Variants in CACNA1E observed in about 807,000 individuals in gnomAD.
CACNA1E encodes the protein calcium voltage-gated channel subunit alpha1 E.
A neutral mutation model predicts 259.2 loss-of-function variants in CACNA1E; 40 were observed. The ratio of observed to expected loss-of-function variants is 0.15; its 90% confidence interval spans 0.12 to 0.20. CACNA1E has a LOEUF of 0.20. Ranked by LOEUF, CACNA1E falls within the 10% of genes least tolerant of loss-of-function variation. The pLI, the probability that CACNA1E is intolerant of heterozygous loss-of-function variation, is 1.00. For missense variants in CACNA1E, 1,874 were observed against 3,040.1 expected (o/e 0.62, Z 9.02); for synonymous variants, 1,104 against 1,138.5 (o/e 0.97, Z 0.61).
chr1:181,654,982 CAAAAAAA>C (rs1208750325), intron 7 of CACNA1E, among the ~76,000 whole-genome samples: 2 of 53,398 alleles, frequency 3.7e-5, no homozygotes, highest in African/African-American at 1.1e-4. Flanking sequence ...GACTCCATCT[CAAAAAAA>C]AAAAAAAAAA....
intron 21 of CACNA1E, 127 bp from the exon 22 acceptor site, chr1:181,736,148 G>A (rs2102574164): frequency 9.0e-7 from 1 of 1,106,968 alleles, no homozygotes; most frequent in African/African-American, 1.6e-5. Flanking sequence ...AGTGCCTGCA[G>A]GGCACCTTGT....
intron 3 of CACNA1E, among the ~76,000 whole-genome samples, chr1:181,532,055 C>CA (rs1197415360): frequency 1.3e-5 from 2 of 151,578 alleles, no homozygotes; most frequent in African/African-American, 2.4e-5. Context: ...AACTTCATCT[C>CA]AAAAAAAAGA....
Position 181,685,230 on chromosome 1 carries a change from G to GTTT in CACNA1E, c.1056-25707_1056-25705dup, listed in dbSNP as rs139598690. On this transcript the variant is annotated intron_variant, in intron 7 of 47. Coordinates refer to ENST00000367573, the MANE Select transcript of CACNA1E (RefSeq NM_001205293.3). ...TAGGTAGCACATAGCCCACCTTTAA[G>GTTT]TTTTTTTTTTTTTTTTTTTGAGACG... Among the ~76,000 whole-genome samples, 403 of 103,422 alleles carry GTTT rather than the reference G, an allele frequency of 3.9e-3. 9 individuals are homozygous for GTTT. Among genetic ancestry groups the GTTT allele is most frequent in the Non-Finnish European group, 4.3e-3 (238 of 55,028 alleles). The allele number at this position is 103,422 out of a possible 152,430, so 67.8% of individuals were successfully genotyped here. A position where few individuals can be genotyped will look rare whatever the true frequency, so the allele number is the denominator to read the frequency against.
chr1:181,723,429 C>T (rs1654592143), intron 16 of CACNA1E, among the ~76,000 whole-genome samples: 1 of 152,124 alleles, frequency 6.6e-6, no homozygotes. Flanking sequence ...TTTTCTGTTC[C>T]CTTACTCATC....
chr1:181,472,500 A>C (rs1385221385), intron 2 of CACNA1E, among the ~76,000 whole-genome samples: 1 of 152,224 alleles, frequency 6.6e-6, no homozygotes, highest in Non-Finnish European at 1.5e-5. Flanking sequence ...AAATGTACAC[A>C]ATAAAATTTA....
Position 181,428,915 on chromosome 1 carries a change from C to T in CACNA1E, c.434+15335C>T, listed in dbSNP as rs906335779. ...CTGTAAAGGAGGCCGGGTGCGGTGG[C>T]TCATGCCTGTAATCCCAGCACTTTG... On this transcript the variant is annotated intron_variant, in intron 2 of 11. Coordinates refer to the CACNA1E transcript ENST00000524607. Among the ~76,000 whole-genome samples, 5 of 152,250 alleles carry T rather than the reference C, an allele frequency of 3.3e-5. No homozygotes were observed. In the South Asian group the frequency reaches 8.3e-4, roughly 25 times the overall value.
chr1:181,678,827 A>T (rs1649636120), intron 7 of CACNA1E, among the ~76,000 whole-genome samples: 1 of 152,236 alleles, frequency 6.6e-6, no homozygotes, highest in African/African-American at 2.4e-5. Context: ...TGATTAAATG[A>T]TGTAATGAAT....
chr1:181,735,645 A>C lies in CACNA1E; in HGVS notation c.3263-630A>C, dbSNP rs543377287. Reference sequence around the variant, plus strand: ...GCAGTCATGGACCTATACTCACATGAATATTGCATTCTCATTTCTACATTA... The same window carrying C: ...GCAGTCATGGACCTATACTCACATGCATATTGCATTCTCATTTCTACATTA... On this transcript the variant is annotated intron_variant, in intron 21 of 47. Transcript: ENST00000367573. Among the ~76,000 whole-genome samples, 9 of 152,302 alleles carry C rather than the reference A, an allele frequency of 5.9e-5. No individual in the cohort carries two copies. In the East Asian group the frequency reaches 1.7e-3, roughly 29 times the overall value.
intron 5 of CACNA1E, among the ~76,000 whole-genome samples, chr1:181,579,969 T>G (rs559861978): frequency 6.6e-6 from 1 of 152,352 alleles, no homozygotes; most frequent in South Asian, 2.1e-4. Flanking sequence ...TTCTCATATC[T>G]TTGTATTTCA....
intron 6 of CACNA1E, among the ~76,000 whole-genome samples, chr1:181,593,923 G>A (rs753650261): frequency 4.6e-5 from 7 of 152,198 alleles, no homozygotes. Context: ...CTGAGCCCAT[G>A]AGAGAGTCTA....
intron 1 of CACNA1E, among the ~76,000 whole-genome samples, chr1:181,324,826 G>T (rs532717955): frequency 6.6e-6 from 1 of 152,296 alleles, no homozygotes; most frequent in East Asian, 1.9e-4. Flanking sequence ...GTGTTCTTGA[G>T]TAAGTTCCAG....
At chr1:181,760,230 C>T (rs1167136482) in intron 32 of CACNA1E, among the ~76,000 whole-genome samples, 5 of 152,146 alleles carry the variant, frequency 3.3e-5, no homozygotes, top group African/African-American at 9.7e-5. Flanking sequence ...TAACTAGATT[C>T]GGCCCTTGAA....
rs373651823 is a variant in CACNA1E at position 181,717,052 on chromosome 1, G to T, written c.1316-41G>T. On this transcript the variant is annotated intron_variant, in intron 10 of 47. Transcript: ENST00000367573. Reference sequence around the variant, plus strand: ...GAATGCTCCCTGGCCCGGACCACAGGATATTTTGCAGTCTCATTCTTCCTT... The same window carrying T: ...GAATGCTCCCTGGCCCGGACCACAGTATATTTTGCAGTCTCATTCTTCCTT... 145 of 1,560,128 alleles carry T rather than the reference G, an allele frequency of 9.3e-5. 2 individuals carry two copies. In the Middle Eastern group the frequency reaches 1.2e-3, roughly 13 times the overall value.
At chr1:181,338,944 G>A (rs928055014) in intron 1 of CACNA1E, among the ~76,000 whole-genome samples, 2 of 151,290 alleles carry the variant, frequency 1.3e-5, no homozygotes, top group African/African-American at 4.9e-5. Flanking sequence ...ATGTATTCTT[G>A]GTGGCCTTGT....
intron 7 of CACNA1E, among the ~76,000 whole-genome samples, chr1:181,691,392 G>GA (rs1293945768): frequency 6.6e-6 from 1 of 151,710 alleles, no homozygotes; most frequent in Non-Finnish European, 1.5e-5. Flanking sequence ...AAATTTTAAA[G>GA]AAAAAACAAC....
chr1:181,767,490 G>A (rs73045145), intron 35 of CACNA1E, among the ~76,000 whole-genome samples: 2,054 of 152,372 alleles, frequency 0.013, 33 homozygotes, highest in African/African-American at 0.043. Flanking sequence ...CAGTCAGGCA[G>A]TCTGGCTGCC....
chr1:181,529,429 C>T lies in CACNA1E; in HGVS notation c.512+17919C>T, dbSNP rs574922200. ...TTGGAGCCCCCACATGGAGTCCCTA[C>T]GGGGGCACTGCCTAGTGGAATTTTG... On this transcript the variant is annotated intron_variant, in intron 3 of 47. Transcript: ENST00000367573. Among the ~76,000 whole-genome samples, 1,162 of 152,286 alleles carry T rather than the reference C, an allele frequency of 7.6e-3. 9 individuals are homozygous for T. The highest frequency in any genetic ancestry group is 0.012 in the Non-Finnish European group (827 of 68,002).
chr1:181,559,637 T>G (rs1165441547), intron 3 of CACNA1E, among the ~76,000 whole-genome samples: 1 of 152,208 alleles, frequency 6.6e-6, no homozygotes, highest in Non-Finnish European at 1.5e-5. Flanking sequence ...TACCGACAAG[T>G]ACATCTTGAA....
intron 1 of CACNA1E, among the ~76,000 whole-genome samples, chr1:181,346,935 C>G (rs934451402): frequency 6.6e-6 from 1 of 152,192 alleles, no homozygotes; most frequent in African/African-American, 2.4e-5. Context: ...TGCCCTGCAT[C>G]TGAGGTGCAG....
Sources: allele counts gnomAD v4.1 joint callset (sites outside exome capture counted in the v4.1 genomes callset), GRCh38; gene constraint gnomAD v4.1.1; transcripts MANE v1.5; gene names NCBI Gene and HGNC (gene_info 2026-07-23, HGNC 2026-07-21).